The following ISCU variants were observed in gnomAD, a reference collection of about 807,000 sequenced individuals.
The protein encoded by ISCU is iron-sulfur cluster assembly enzyme, also known as iron-sulfur cluster assembly enzyme ISCU.
A neutral mutation model predicts 18.4 loss-of-function variants in ISCU; 13 were observed. The observed-to-expected ratio is 0.71, with a 90% CI of 0.46 to 1.12. The LOEUF is 1.12. ISCU is among the 50% of genes most tolerant of loss of function. ISCU has a pLI of 0.00. For missense variants in ISCU, 229 were observed against 208.7 expected, an observed-to-expected ratio of 1.10 and a Z score of -0.60; for synonymous variants, 104 against 87.5, an observed-to-expected ratio of 1.19 and a Z score of -1.06.
In ISCU at chr12:108,567,878, A is replaced by G. The variant is rs150398050; in HGVS notation, c.418+610A>G. 2.8e-6 allele frequency: 4 copies of G among 1,430,624 alleles called. No homozygotes were observed. The African/African-American group carries it at 5.7e-5, about 20-fold the overall frequency. 88.6% of individuals were successfully genotyped at this position (1,430,624 alleles called of 1,614,324 possible). A position where few individuals can be genotyped will look rare whatever the true frequency, so the allele number is the denominator to read the frequency against. On this transcript the variant is annotated intron_variant, in intron 4 of 4. Transcript: ENST00000311893. ...CTTGGCTTTCCAGTTTGGTCTCTGT[A>G]TTAAATCTAATGCTTTTTCCATCAT...
chr12:108,568,648 G>A, intron 4 of ISCU, 183 bp from the exon 5 acceptor site: 3 of 1,453,656 alleles, frequency 2.1e-6, no homozygotes, highest in Middle Eastern at 1.8e-4. Context: ...ATCACCCGCA[G>A]GAGTAACTCA....
chr12:108,564,007 G>A, intron 1 of ISCU: 1 of 1,223,424 alleles, frequency 8.2e-7, no homozygotes, highest in East Asian at 2.3e-5. Context: ...AAGTATTTTT[G>A]TAAAAATCCT....
rs761837713 is a variant in ISCU, at chr12:108,564,371, T to C, written c.207T>C (p.Cys69=). The change falls in exon 2 of 5, where the codon TGT becomes TGC. Residue 69 remains cysteine (C), a synonymous_variant. Transcript: ENST00000311893. ...CTGGACTGGTGGGGGCTCCAGCATG[T>C]GGTGACGTAATGAAATTACAGGTAT... ...VGTGLVGAPA[C]GDVMKLQIQV... The C allele has an allele frequency of 1.1e-5, 18 of 1,613,068 alleles. No individual in the cohort carries two copies. The highest frequency in any genetic ancestry group is 1.4e-5 in the Non-Finnish European group (17 of 1,179,060).
In ISCU at chr12:108,567,174, C is replaced by G; in HGVS notation, c.340-16C>G. ...AGTGTTGCTAAAACTGCCCATCTTT[C>G]CATTATGCCTCTCAGGTGGAGGAAG... On this transcript the variant is annotated splice_polypyrimidine_tract_variant and intron_variant, in intron 3 of 4. Coordinates refer to ENST00000311893, the MANE Select transcript of ISCU (RefSeq NM_213595.4). 6.2e-7 allele frequency: 1 copy of G among 1,604,328 alleles called. No homozygotes were observed. Among genetic ancestry groups the G allele is most frequent in the Non-Finnish European group, 8.5e-7 (1 of 1,171,418 alleles).
At chr12:108,564,075 G>C in intron 1 of ISCU, 1 of 1,607,970 alleles carries the variant, frequency 6.2e-7, no homozygotes, top group Non-Finnish European at 8.5e-7. Context: ...TCAAATCTGT[G>C]AAGTATTGTA....
At chr12:108,563,660 C>G (rs910607468) in intron 1 of ISCU, 2 of 263,892 alleles carry the variant, frequency 7.6e-6, no homozygotes, top group South Asian at 4.0e-5. Flanking sequence ...CACTCCTCCC[C>G]CTCCCGGGGG....
chr12:108,562,837 C>A, intron 1 of ISCU, 101 bp downstream of exon 1: 1 of 540,658 alleles, frequency 1.8e-6, no homozygotes. Flanking sequence ...GAGCTGTCCC[C>A]TCCCACGTCT....
Position 108,568,822 on chromosome 12 carries a change from T to C in ISCU, c.419-9T>C, listed in dbSNP as rs1334709607. ...GAAACTTAGGCTTCTTTCCTTCCGT[T>C]ACTTCCAGTGCTGGCTGAAGATGCA... On this transcript the variant is annotated splice_polypyrimidine_tract_variant and intron_variant, in intron 4 of 4. Coordinates refer to ENST00000311893, the MANE Select transcript of ISCU (RefSeq NM_213595.4). 2.5e-6 allele frequency: 4 copies of C among 1,611,494 alleles called. No homozygotes were observed. The highest frequency in any genetic ancestry group is 1.7e-5 in the Admixed American group (1 of 59,620).
chr12:108,565,078 ATATTG>A, intron 2 of ISCU: 1 of 557,530 alleles, frequency 1.8e-6, no homozygotes. Flanking sequence ...AAACAAAAGA[ATATTG>A]GAGTGGAGGG....
intron 4 of ISCU, chr12:108,567,877 T>C: frequency 1.4e-6 from 2 of 1,436,810 alleles, no homozygotes; most frequent in Non-Finnish European, 1.9e-6. Flanking sequence ...TTGGTCTCTG[T>C]ATTAAATCTA....
In ISCU at chr12:108,563,164, C is replaced by T. The variant is rs181567741; in HGVS notation, c.114+428C>T. ...TGTAAATGGGGGGCTCTCAGCTGTC[C>T]CTTACAAAGGATACTGTGCGTGGAG... On this transcript the variant is annotated intron_variant, in intron 1 of 4. Transcript: ENST00000311893. The T allele has an allele frequency of 2.7e-3, 424 of 156,344 alleles. 1 individual carries two copies. Among genetic ancestry groups the T allele is most frequent in the Non-Finnish European group, 3.9e-3 (277 of 70,808 alleles). 9.7% of individuals were successfully genotyped at this position (156,344 alleles called of 1,614,324 possible).
intron 1 of ISCU, 46 bp downstream of exon 1, chr12:108,562,782 C>G: frequency 8.2e-7 from 1 of 1,225,046 alleles, no homozygotes; most frequent in Non-Finnish European, 1.1e-6. Context: ...CAGCGGAGGC[C>G]TGGGCTGGAG....
Position 108,568,143 on chromosome 12 carries a change from C to A in ISCU, c.419-688C>A. ...TTAAGTACCCATAAAGAAAGGTCAT[C>A]ACTTGTAAACATTTTCACATGGTTT... On this transcript the variant is annotated intron_variant, in intron 4 of 4. Coordinates refer to ENST00000311893, the MANE Select transcript of ISCU (RefSeq NM_213595.4). 5 of 1,336,200 alleles carry A rather than the reference C, an allele frequency of 3.7e-6. No homozygotes were observed. The South Asian group carries it at 1.1e-4, about 29-fold the overall frequency. The allele number at this position is 1,336,200 out of a possible 1,614,324, so 82.8% of individuals were successfully genotyped here. A position where few individuals can be genotyped will look rare whatever the true frequency, so the allele number is the denominator to read the frequency against.
At chr12:108,561,785 C>T (rs1336734286), upstream of ISCU, among the ~76,000 whole-genome samples, 3 of 152,190 alleles carry the variant, frequency 2.0e-5, no homozygotes, top group African/African-American at 7.2e-5. Flanking sequence ...TTCTTAATTG[C>T]TAGGCACTGA....
chr12:108,567,800 A>ATG (rs1565876752), intron 4 of ISCU: 1 of 1,530,190 alleles, frequency 6.5e-7, no homozygotes, highest in African/African-American at 1.4e-5. Context: ...CAGTTGTACA[A>ATG]TGTCCCCCTC....
chr12:108,565,478 CT>C, intron 3 of ISCU, 47 bp downstream of exon 3: 63 of 1,270,124 alleles, frequency 5.0e-5, no homozygotes, highest in Middle Eastern at 1.8e-4. Context: ...GTAACCATGA[CT>C]TTTTTTTAAT....
chr12:108,562,781 C>T (rs1224277924), intron 1 of ISCU, 45 bp downstream of exon 1: 7 of 1,226,592 alleles, frequency 5.7e-6, no homozygotes, highest in Non-Finnish European at 6.4e-6. Context: ...TCAGCGGAGG[C>T]CTGGGCTGGA....
chr12:108,568,021 T>TA (rs1371340798), intron 4 of ISCU: 2 of 1,518,976 alleles, frequency 1.3e-6, no homozygotes, highest in African/African-American at 1.4e-5. Context: ...GCCAAGGTAA[T>TA]ACTCACAGCA....
intron 4 of ISCU, chr12:108,568,017 G>A: frequency 6.6e-7 from 1 of 1,523,202 alleles, no homozygotes; most frequent in Non-Finnish European, 8.8e-7. Context: ...TCTTGCCAAG[G>A]TAATACTCAC....
Sources: allele counts gnomAD v4.1 joint callset (sites outside exome capture counted in the v4.1 genomes callset), GRCh38; gene constraint gnomAD v4.1.1; transcripts MANE v1.5; gene names NCBI Gene and HGNC (gene_info 2026-07-23, HGNC 2026-07-21).